Variants in AR observed in about 807,000 individuals in gnomAD.
The protein encoded by AR is dihydrotestosterone receptor.
A neutral mutation model predicts 53.9 loss-of-function variants in AR; 8 were observed. The ratio of observed to expected loss-of-function variants is 0.15; its 90% confidence interval spans 0.09 to 0.27. The LOEUF is 0.27. Ranked by LOEUF, AR falls within the 10% of genes least tolerant of loss-of-function variation. The probability of loss-of-function intolerance (pLI) is 1.00; values close to 1 mark genes in which losing one functional copy is unlikely to be tolerated. For synonymous variants in AR, 359 were observed against 316.4 expected (o/e 1.13, Z -1.43); for missense variants, 639 against 742.5 (o/e 0.86, Z 1.62).
intron 2 of AR, among the ~76,000 whole-genome samples, chrX:67,660,631 T>A (rs897202222): frequency 5.4e-5 from 6 of 111,860 alleles, no homozygotes; most frequent in African/African-American, 1.9e-4. Context: ...GTAGTATAGT[T>A]TGAAGTCAGA....
chrX:67,691,771 T>G (rs1325564265), intron 3 of AR, among the ~76,000 whole-genome samples: 1 of 111,713 alleles, frequency 9.0e-6, no homozygotes, highest in Non-Finnish European at 1.9e-5. Flanking sequence ...CATAAGATTA[T>G]GCTATTATGC....
chrX:67,635,742 T>G (rs1925400513), intron 1 of AR, among the ~76,000 whole-genome samples: 1 of 111,403 alleles, frequency 9.0e-6, no homozygotes, highest in African/African-American at 3.3e-5. Context: ...TTGCAAGTGG[T>G]GTTCTGGTTC....
At chrX:67,679,837 T>C (rs1339207210) in intron 2 of AR, among the ~76,000 whole-genome samples, 2 of 112,002 alleles carry the variant, frequency 1.8e-5, no homozygotes, top group Admixed American at 1.9e-4. Context: ...TGCTAATAAT[T>C]ATTCTTAGTT....
chrX:67,544,109 G>A lies in AR; in HGVS notation c.-1038G>A. Reference sequence around the variant, plus strand: ...CCAGAGGCAGAGGAGGCGACAGAGGGAAAAAGGGCCGAGCTAGCCGCTCCA... The same window carrying A: ...CCAGAGGCAGAGGAGGCGACAGAGGAAAAAAGGGCCGAGCTAGCCGCTCCA... On this transcript the variant is annotated 5_prime_UTR_variant, in exon 1 of 8. Coordinates refer to ENST00000374690, the MANE Select transcript of AR (RefSeq NM_000044.6). The A allele has an allele frequency of 6.0e-6, 1 of 167,679 alleles. No individual in the cohort carries two copies. Among genetic ancestry groups the A allele is most frequent in the East Asian group, 8.6e-5 (1 of 11,619 alleles). The allele number at this position is 167,679 out of a possible 1,213,427, so 13.8% of individuals were successfully genotyped here. A position where few individuals can be genotyped will look rare whatever the true frequency, so the allele number is the denominator to read the frequency against.
intron 1 of AR, among the ~76,000 whole-genome samples, chrX:67,587,155 A>T (rs2147361453): frequency 8.9e-6 from 1 of 112,222 alleles, no homozygotes; most frequent in South Asian, 3.7e-4. Flanking sequence ...GCAAGAGTTG[A>T]ACCCAGATCT....
At chrX:67,615,185 C>T (rs968802583) in intron 1 of AR, among the ~76,000 whole-genome samples, 7 of 110,825 alleles carry the variant, frequency 6.3e-5, no homozygotes, top group African/African-American at 2.3e-4. Context: ...TGGATAAAAT[C>T]TTCCAAAATT....
At chrX:67,703,261 G>C (rs1462566355) in intron 3 of AR, among the ~76,000 whole-genome samples, 2 of 111,320 alleles carry the variant, frequency 1.8e-5, no homozygotes, top group African/African-American at 3.3e-5. Context: ...GTGGTTCATG[G>C]TCTTTCTCAG....
At chrX:67,710,384 A>G (rs1291604922) in intron 3 of AR, among the ~76,000 whole-genome samples, 1 of 111,289 alleles carries the variant, frequency 9.0e-6, no homozygotes, top group Admixed American at 9.6e-5. Flanking sequence ...TCAGTGGCAC[A>G]ATCATAGCCC....
chrX:67,663,866 C>T (rs767584946), intron 2 of AR, among the ~76,000 whole-genome samples: 60 of 112,006 alleles, frequency 5.4e-4, no homozygotes, highest in African/African-American at 1.8e-3. Flanking sequence ...TCATTTCATT[C>T]ATTTGATCTT....
intron 1 of AR, among the ~76,000 whole-genome samples, chrX:67,571,824 T>C (rs1921828250): frequency 9.1e-6 from 1 of 110,252 alleles, no homozygotes; most frequent in African/African-American, 3.3e-5. Flanking sequence ...TGTAAAATAA[T>C]GAAAATTAAA....
At chrX:67,585,171 G>T (rs1445487660) in intron 1 of AR, among the ~76,000 whole-genome samples, 1 of 107,723 alleles carries the variant, frequency 9.3e-6, no homozygotes, top group African/African-American at 3.4e-5. Context: ...CAGAAGAATT[G>T]CTTGAACCTG....
Position 67,546,364 on chromosome X carries a change from C to T in AR, c.1218C>T (p.Cys406=). Residue 406 remains cysteine, a synonymous_variant, in exon 1 of 8, where the codon TGC becomes TGT. Coordinates refer to ENST00000374690, the MANE Select transcript of AR (RefSeq NM_000044.6). ...GSAWAAAAAQ[C]RYGDLASLHG... is the part of the protein sequence containing the mutation. ...CCTGGGCGGCTGCGGCGGCGCAGTG[C>T]CGCTATGGGGACCTGGCGAGCCTGC... 8.4e-7 allele frequency: 1 copy of T among 1,184,623 alleles called. No individual in the cohort carries two copies.
At chrX:67,676,763 G>T (rs1187517182) in intron 2 of AR, among the ~76,000 whole-genome samples, 1 of 111,493 alleles carries the variant, frequency 9.0e-6, no homozygotes, top group Non-Finnish European at 1.9e-5. Context: ...TTATCGGAAT[G>T]AATTTCTTTG....
At chrX:67,644,710 G>A (rs1925963494) in intron 2 of AR, among the ~76,000 whole-genome samples, 1 of 111,553 alleles carries the variant, frequency 9.0e-6, no homozygotes, top group African/African-American at 3.3e-5. Context: ...AACAGAAGCT[G>A]CCATGTTGTT....
chrX:67,650,965 A>G, intron 2 of AR, among the ~76,000 whole-genome samples: 1 of 111,649 alleles, frequency 9.0e-6, no homozygotes, highest in East Asian at 2.8e-4. Flanking sequence ...CTTACTACAT[A>G]TAGGGTATTG....
At chrX:67,617,035 C>G (rs1924152786) in intron 1 of AR, among the ~76,000 whole-genome samples, 1 of 111,551 alleles carries the variant, frequency 9.0e-6, no homozygotes, top group Non-Finnish European at 1.9e-5. Context: ...GGGAGCAAGG[C>G]AAAAGAATGG....
intron 3 of AR, among the ~76,000 whole-genome samples, chrX:67,698,160 G>A (rs1326172331): frequency 2.7e-5 from 3 of 112,168 alleles, no homozygotes; most frequent in South Asian, 7.4e-4. Flanking sequence ...TTATACATAT[G>A]TAAGGAAACT....
chrX:67,713,198 G>A (rs749782602), intron 4 of AR, among the ~76,000 whole-genome samples: 4 of 110,656 alleles, frequency 3.6e-5, no homozygotes, highest in African/African-American at 1.3e-4. Flanking sequence ...CATGTTGGCT[G>A]TCAAGTCTTA....
chrX:67,601,919 C>G (rs937533279), intron 1 of AR, among the ~76,000 whole-genome samples: 3 of 111,913 alleles, frequency 2.7e-5, no homozygotes, highest in African/African-American at 9.7e-5. Flanking sequence ...CAAAGTCACA[C>G]AGCAAGTCAG....
Sources: gnomAD v4.1 joint callset for allele counts (sites outside exome capture counted in the v4.1 genomes callset) on GRCh38, gnomAD v4.1.1 for gene constraint, MANE v1.5 for transcripts, NCBI Gene and HGNC (gene_info 2026-07-23, HGNC 2026-07-21) for gene names.